The following ZFHX3 variants were observed in gnomAD, a reference collection of about 807,000 sequenced individuals.
ZFHX3 encodes the protein zinc finger homeobox protein 3.
Under a neutral mutation model 279.1 loss-of-function variants are expected in ZFHX3, and 42 were observed. The ratio of observed to expected loss-of-function variants is 0.15; its 90% confidence interval spans 0.12 to 0.19. ZFHX3 has a LOEUF of 0.19. Among genes scored for constraint, ZFHX3 ranks in the 10% least tolerant of loss-of-function variants. ZFHX3 has a pLI of 1.00. For synonymous variants in ZFHX3, 2,293 were observed against 1,957.8 expected (o/e 1.17, Z -4.52); for missense variants, 4,981 against 4,754.0 (o/e 1.05, Z -1.40).
At chr16:73,881,214 T>C (rs1479097435) in intron 1 of ZFHX3, among the ~76,000 whole-genome samples, 1 of 152,092 alleles carries the variant, frequency 6.6e-6, no homozygotes, top group Non-Finnish European at 1.5e-5. Flanking sequence ...CGCTGATATC[T>C]CAGAGAAACA....
chr16:73,238,737 C>T (rs1392234138), intron 5 of ZFHX3, among the ~76,000 whole-genome samples: 1 of 152,146 alleles, frequency 6.6e-6, no homozygotes, highest in South Asian at 2.1e-4. Flanking sequence ...CTCTCCCTCG[C>T]CTGCTCTCTT....
At chr16:73,062,817 G>T (rs941335959), upstream of ZFHX3, among the ~76,000 whole-genome samples, 5 of 152,214 alleles carry the variant, frequency 3.3e-5, no homozygotes, top group Non-Finnish European at 7.3e-5. Context: ...TCTAAGGAAG[G>T]GGTTGGAGGG....
At chr16:73,003,067 A>G (rs914658339) in intron 1 of ZFHX3, among the ~76,000 whole-genome samples, 2 of 152,210 alleles carry the variant, frequency 1.3e-5, no homozygotes, top group African/African-American at 2.4e-5. Context: ...TCCCACATTT[A>G]TAACCAGGAG....
intron 1 of ZFHX3, among the ~76,000 whole-genome samples, chr16:73,836,427 G>A (rs1285394785): frequency 5.3e-5 from 8 of 152,138 alleles, no homozygotes; most frequent in South Asian, 2.1e-4. Flanking sequence ...TTGTAGTGGT[G>A]GAGGGAAGGA....
At chr16:73,528,913 T>TC (rs1427758498) in intron 2 of ZFHX3, among the ~76,000 whole-genome samples, 1 of 152,206 alleles carries the variant, frequency 6.6e-6, no homozygotes, top group African/African-American at 2.4e-5. Flanking sequence ...AGGACAGGCA[T>TC]CTGGCTGTCC....
chr16:72,812,507 T>TG (rs2036488733), intron 5 of ZFHX3, among the ~76,000 whole-genome samples: 3 of 152,176 alleles, frequency 2.0e-5, no homozygotes. Flanking sequence ...AATCACAACA[T>TG]GGCACAGCAT....
chr16:73,737,739 A>C (rs1295347198), intron 1 of ZFHX3, among the ~76,000 whole-genome samples: 1 of 151,032 alleles, frequency 6.6e-6, no homozygotes, highest in Non-Finnish European at 1.5e-5. Context: ...GGGATACGGG[A>C]GCTATTTAAT....
At chr16:73,216,472 A>C (rs897644672) in intron 5 of ZFHX3, among the ~76,000 whole-genome samples, 6 of 152,218 alleles carry the variant, frequency 3.9e-5, no homozygotes, top group Non-Finnish European at 7.3e-5. Flanking sequence ...TATTATATCC[A>C]TCTCCCTCAA....
At chr16:72,948,064 G>C (rs1346220176) in intron 3 of ZFHX3, among the ~76,000 whole-genome samples, 1 of 152,164 alleles carries the variant, frequency 6.6e-6, no homozygotes, top group Non-Finnish European at 1.5e-5. Context: ...GGGACCAAAG[G>C]GCTGAGGGCG....
At chr16:72,927,388 G>C (rs1389703056) in intron 3 of ZFHX3, among the ~76,000 whole-genome samples, 1 of 152,156 alleles carries the variant, frequency 6.6e-6, no homozygotes, top group Non-Finnish European at 1.5e-5. Context: ...GGATGGCCAA[G>C]TTCTTCTGAG....
chr16:73,664,857 T>C (rs1014701419), intron 2 of ZFHX3, among the ~76,000 whole-genome samples: 2 of 152,354 alleles, frequency 1.3e-5, no homozygotes, highest in Admixed American at 1.3e-4. Flanking sequence ...CCTTTCCGTA[T>C]ACCAATATTT....
intron 3 of ZFHX3, among the ~76,000 whole-genome samples, chr16:72,923,766 A>T (rs1188048741): frequency 6.6e-6 from 1 of 152,140 alleles, no homozygotes; most frequent in East Asian, 1.9e-4. Context: ...GAGCTAATGA[A>T]AAAGCTAAGG....
intron 1 of ZFHX3, among the ~76,000 whole-genome samples, chr16:73,887,112 C>T (rs968930304): frequency 3.3e-5 from 5 of 151,822 alleles, no homozygotes; most frequent in Non-Finnish European, 5.9e-5. Flanking sequence ...TGGGATTGGG[C>T]GATGGTAAGG....
At chr16:72,973,679 G>A (rs1232684029) in intron 1 of ZFHX3, 2 of 152,206 alleles carry the variant, frequency 1.3e-5, no homozygotes, top group African/African-American at 4.8e-5. Context: ...AGGAGTTCAA[G>A]ACTAGCCTGG....
chr16:73,836,202 C>G (rs1263140285), intron 1 of ZFHX3, among the ~76,000 whole-genome samples: 1 of 152,176 alleles, frequency 6.6e-6, no homozygotes, highest in East Asian at 1.9e-4. Context: ...CTCCACTGCT[C>G]CCATTCCACA....
intron 4 of ZFHX3, among the ~76,000 whole-genome samples, chr16:73,259,643 T>C (rs1010471484): frequency 5.3e-5 from 8 of 152,318 alleles, no homozygotes; most frequent in African/African-American, 1.9e-4. Context: ...CTATCAAAAT[T>C]TCAAATGCAC....
rs756412830 is a variant in ZFHX3 at position 72,788,119 on chromosome 16, T to TGCTGCTGTAGTTGCC, written c.10142_10156dup (p.Arg3381_Gln3385dup). On this transcript the variant is annotated inframe_insertion, in exon 10 of 10. Transcript: ENST00000268489. Reference sequence around the variant, plus strand: ...CTGCTGCTGCACTTTTTGCTGCTGCTGCTGCTGTAGTTGCCGCTGCTGCTG... The same window carrying TGCTGCTGTAGTTGCC: ...CTGCTGCTGCACTTTTTGCTGCTGCTGCTGCTGTAGTTGCCGCTGCTGTAGTTGCCGCTGCTGCTG... The TGCTGCTGTAGTTGCC allele has an allele frequency of 1.9e-6, 3 of 1,596,774 alleles. No homozygotes were observed. Among genetic ancestry groups the TGCTGCTGTAGTTGCC allele is most frequent in the South Asian group, 1.1e-5 (1 of 90,006 alleles).
chr16:73,887,672 G>A (rs563836441), intron 1 of ZFHX3, among the ~76,000 whole-genome samples: 20 of 152,080 alleles, frequency 1.3e-4, no homozygotes, highest in African/African-American at 4.1e-4. Context: ...AAATACACAG[G>A]TGAGAAAAGG....
chr16:72,834,465 C>A (rs2037136789), intron 4 of ZFHX3, among the ~76,000 whole-genome samples: 1 of 152,136 alleles, frequency 6.6e-6, no homozygotes, highest in African/African-American at 2.4e-5. Flanking sequence ...GGGATGATAC[C>A]CCAGTCCCAG....
Sources: gnomAD v4.1 joint callset for allele counts (sites outside exome capture counted in the v4.1 genomes callset) on GRCh38, gnomAD v4.1.1 for gene constraint, MANE v1.5 for transcripts, NCBI Gene and HGNC (gene_info 2026-07-23, HGNC 2026-07-21) for gene names.